Variants in PHACTR3 observed in about 807,000 individuals in gnomAD.
PHACTR3 encodes the protein phosphatase and actin regulator 3, also known as protein phosphatase 1, regulatory subunit 123.
In PHACTR3, 16 loss-of-function variants were observed where a neutral mutation model predicts 66.8. That is an observed-to-expected ratio of 0.24 (90% confidence interval 0.16 to 0.36). The LOEUF is 0.36. Among genes scored for constraint, PHACTR3 ranks in the 10% least tolerant of loss-of-function variants. The probability of loss-of-function intolerance (pLI) is 1.00; values close to 1 mark genes in which losing one functional copy is unlikely to be tolerated. For missense variants in PHACTR3, 647 were observed against 719.9 expected, an observed-to-expected ratio of 0.90 and a Z score of 1.16; for synonymous variants, 323 against 292.1, an observed-to-expected ratio of 1.11 and a Z score of -1.08.
intron 8 of PHACTR3, among the ~76,000 whole-genome samples, chr20:59,812,782 C>A (rs1185350456): frequency 6.6e-6 from 1 of 152,152 alleles, no homozygotes; most frequent in Admixed American, 6.5e-5. Context: ...ATAATGACAC[C>A]ACTAATAGCA....
At chr20:59,755,140 A>C (rs1174249810) in intron 3 of PHACTR3, 42 bp from the exon 4 acceptor site, 2 of 1,586,774 alleles carry the variant, frequency 1.3e-6, no homozygotes, top group Admixed American at 3.4e-5. Flanking sequence ...GGGATGAAGG[A>C]AGGGAGGTGC....
At chr20:59,624,690 T>C (rs2034382757) in intron 1 of PHACTR3, among the ~76,000 whole-genome samples, 1 of 152,106 alleles carries the variant, frequency 6.6e-6, no homozygotes, top group African/African-American at 2.4e-5. Context: ...CCAAGGAACA[T>C]ATTACAGGGG....
intron 7 of PHACTR3, among the ~76,000 whole-genome samples, chr20:59,790,531 A>T (rs945322957): frequency 3.9e-5 from 6 of 152,254 alleles, no homozygotes; most frequent in Non-Finnish European, 8.8e-5. Context: ...ACACTAACCT[A>T]AGTGTCCATT....
chr20:59,832,572 C>A (rs1307290162), intron 8 of PHACTR3, among the ~76,000 whole-genome samples: 1 of 152,174 alleles, frequency 6.6e-6, no homozygotes. Context: ...CTGGAAGAGT[C>A]CGGAGAGTGT....
intron 1 of PHACTR3, among the ~76,000 whole-genome samples, chr20:59,579,892 G>T (rs1237199580): frequency 6.6e-6 from 1 of 152,180 alleles, no homozygotes; most frequent in African/African-American, 2.4e-5. Flanking sequence ...GGAAGGCTTG[G>T]TCGGGGAGGA....
rs1303933362 is a variant in PHACTR3, at chr20:59,674,609, TTCC to T, written c.119-68497_119-68495del. On this transcript the variant is annotated intron_variant, in intron 1 of 12. Coordinates refer to ENST00000371015, the MANE Select transcript of PHACTR3 (RefSeq NM_080672.5). ...CCTTCTCCTGTCCCCGCTTCTCCTG[TTCC>T]CCCCTTCTCCTGTCCCCGCTTCTCC... is the stretch of plus-strand genomic sequence containing the variant. Among the ~76,000 whole-genome samples, 18 of 64,316 alleles carry T rather than the reference TTCC, an allele frequency of 2.8e-4. 1 individual carries two copies. In the South Asian group the frequency reaches 3.7e-3, roughly 13 times the overall value. The allele number at this position is 64,316 out of a possible 152,430, so 42.2% of individuals were successfully genotyped here.
intron 1 of PHACTR3, among the ~76,000 whole-genome samples, chr20:59,719,784 G>A (rs769061950): frequency 1.3e-5 from 2 of 152,170 alleles, no homozygotes; most frequent in Non-Finnish European, 2.9e-5. Context: ...TCACTGGTGT[G>A]ACTGATGTTA....
intron 12 of PHACTR3, among the ~76,000 whole-genome samples, chr20:59,846,438 T>C (rs2059147654): frequency 6.6e-6 from 1 of 150,800 alleles, no homozygotes; most frequent in Non-Finnish European, 1.5e-5. Flanking sequence ...ATAGGTCATA[T>C]GGAGGAATAG....
At chr20:59,720,825 A>G (rs570246177) in intron 1 of PHACTR3, among the ~76,000 whole-genome samples, 24 of 152,326 alleles carry the variant, frequency 1.6e-4, no homozygotes, top group African/African-American at 5.3e-4. Context: ...TTGCTTTCGG[A>G]AGGGAACATT....
At position 59,715,451 on chromosome 20, in the gene PHACTR3, A is replaced by G. The variant is rs2146659252; in HGVS notation, c.119-27656A>G. ...CTGATTATTTTTAAATGTCAAGCTAATCTTGCATTTCTAGATTAAACCTAA... is the reference window on the plus strand; with the variant it reads ...CTGATTATTTTTAAATGTCAAGCTAGTCTTGCATTTCTAGATTAAACCTAA... On this transcript the variant is annotated intron_variant, in intron 1 of 12. Coordinates refer to ENST00000371015, the MANE Select transcript of PHACTR3 (RefSeq NM_080672.5). Among the ~76,000 whole-genome samples, 4 of 152,280 alleles carry G rather than the reference A, an allele frequency of 2.6e-5. No individual in the cohort carries two copies. In the South Asian group the frequency reaches 8.3e-4, roughly 32 times the overall value.
Position 59,773,408 on chromosome 20 carries a change from T to C in PHACTR3, c.881T>C (p.Ile294Thr). The stretch of plus-strand genomic sequence containing the variant: ...CGGCCTCTTCCCCCAAGCCGCGTCA[T>C]TGAGGAGCTGCACAGGGCGCTGGCC... ...VHRPLPPSRV[I>T]EELHRALATK... The change falls in exon 6 of 13, where the codon ATT becomes ACT. Residue 294 changes from isoleucine (I) to threonine (T), a missense_variant. Physicochemically the swap from Ile to Thr is moderately conservative, Grantham distance 89. Coordinates refer to ENST00000371015, the MANE Select transcript of PHACTR3 (RefSeq NM_080672.5). The C allele has an allele frequency of 1.2e-6, 2 of 1,613,966 alleles. No homozygotes were observed. Among genetic ancestry groups the C allele is most frequent in the Admixed American group, 1.7e-5 (1 of 60,020 alleles).
intron 8 of PHACTR3, chr20:59,835,882 G>C (rs559937386): frequency 1.3e-5 from 2 of 152,284 alleles, no homozygotes; most frequent in Non-Finnish European, 2.9e-5. Context: ...TTTATTCAGC[G>C]CTCGAGCTGG....
At chr20:59,673,004 G>A (rs868361123) in intron 1 of PHACTR3, among the ~76,000 whole-genome samples, 26 of 152,320 alleles carry the variant, frequency 1.7e-4, no homozygotes, top group African/African-American at 5.8e-4. Flanking sequence ...GGAGTTGCCT[G>A]CAGGTTGGAT....
chr20:59,832,900 G>T (rs769510522), intron 8 of PHACTR3, among the ~76,000 whole-genome samples: 11 of 152,320 alleles, frequency 7.2e-5, no homozygotes, highest in Non-Finnish European at 1.3e-4. Context: ...ACGGTGGCCT[G>T]GCCTTGTTGG....
At chr20:59,622,532 C>T (rs1275549717) in intron 1 of PHACTR3, among the ~76,000 whole-genome samples, 1 of 152,192 alleles carries the variant, frequency 6.6e-6, no homozygotes, top group Non-Finnish European at 1.5e-5. Flanking sequence ...GCTGACACAG[C>T]AGCCATCTCC....
chr20:59,698,430 A>G (rs1485783415), intron 1 of PHACTR3, among the ~76,000 whole-genome samples: 1 of 151,596 alleles, frequency 6.6e-6, no homozygotes, highest in African/African-American at 2.4e-5. Flanking sequence ...GTGTTGAATG[A>G]TAAAAAAAAA....
At chr20:59,590,013 G>T (rs2033142419) in intron 1 of PHACTR3, among the ~76,000 whole-genome samples, 1 of 152,222 alleles carries the variant, frequency 6.6e-6, no homozygotes, top group African/African-American at 2.4e-5. Flanking sequence ...TCACCACGGA[G>T]GGCAGAGATG....
At chr20:59,718,354 G>T (rs986540823) in intron 1 of PHACTR3, among the ~76,000 whole-genome samples, 5 of 152,206 alleles carry the variant, frequency 3.3e-5, no homozygotes, top group South Asian at 4.1e-4. Context: ...ATCTGGTCCT[G>T]TTGGGGAGGA....
intron 8 of PHACTR3, among the ~76,000 whole-genome samples, chr20:59,825,443 CTCAT>C (rs758404757): frequency 3.9e-5 from 6 of 152,182 alleles, no homozygotes; most frequent in South Asian, 2.1e-4. Flanking sequence ...CACTCATTCA[CTCAT>C]TCATTCATTC....
Sources: allele counts gnomAD v4.1 joint callset (sites outside exome capture counted in the v4.1 genomes callset), GRCh38; gene constraint gnomAD v4.1.1; transcripts MANE v1.5; gene names NCBI Gene and HGNC (gene_info 2026-07-23, HGNC 2026-07-21).